CWC25: variants seen among roughly 807,000 people sequenced by gnomAD.
The protein encoded by CWC25 is CWC25 spliceosome associated protein.
Under a neutral mutation model 54.6 loss-of-function variants are expected in CWC25, and 31 were observed. That is an observed-to-expected ratio of 0.57 (90% CI 0.43 to 0.77). The LOEUF is 0.77. Among genes scored for constraint, CWC25 ranks in the 30% least tolerant of loss-of-function variants. The pLI, the probability that CWC25 is intolerant of heterozygous loss-of-function variation, is 0.00. For synonymous variants in CWC25, 151 were observed against 187.0 expected (o/e 0.81, Z 1.57); for missense variants, 453 against 529.3 (o/e 0.86, Z 1.41).
chr17:38,802,095 T>C lies in CWC25; in HGVS notation c.1275A>G (p.Arg425=). The change falls in exon 10 of 10, where the codon AGA becomes AGG. Residue 425 remains arginine (R), a synonymous_variant. Coordinates refer to ENST00000614790, the MANE Select transcript of CWC25 (RefSeq NM_017748.5). ...CCAATAAGAGAGGGGACAGTTTTCA[T>C]CTTTTCATAAAGTTCTTCTCCAGAG... The part of the protein sequence containing the change: ...SVALEKNFMK[R] 1.2e-6 allele frequency: 2 copies of C among 1,602,608 alleles called. No individual in the cohort carries two copies. Among genetic ancestry groups the C allele is most frequent in the South Asian group, 1.1e-5 (1 of 90,668 alleles).
chr17:38,819,216 T>C (rs1267293796), intron 2 of CWC25, among the ~76,000 whole-genome samples: 1 of 151,552 alleles, frequency 6.6e-6, no homozygotes, highest in African/African-American at 2.4e-5. Flanking sequence ...TTTTTTTTTT[T>C]TGAGACGAAG....
In CWC25 at chr17:38,801,971, A is replaced by G; in HGVS notation, c.*121T>C. On this transcript the variant is annotated 3_prime_UTR_variant, in exon 10 of 10. Transcript: ENST00000614790. ...TTTCAGGACTCAATGAAGCAGGGTC[A>G]CTTTGAACACTGGTGGTTTGACATC... 1 of 605,670 alleles carries G rather than the reference A, an allele frequency of 1.7e-6. No homozygotes were observed. The highest frequency in any genetic ancestry group is 2.9e-6 in the Non-Finnish European group (1 of 342,418). 37.5% of individuals were successfully genotyped at this position (605,670 alleles called of 1,614,324 possible).
In CWC25 at chr17:38,824,542, C is replaced by T. The variant is rs1042543871; in HGVS notation, c.18+624G>A. On this transcript the variant is annotated intron_variant, in intron 1 of 9. Coordinates refer to ENST00000614790, the MANE Select transcript of CWC25 (RefSeq NM_017748.5). ...TCTCTACTAAAAATACAAAATTAGC[C>T]GGGTGTGGTGGCGCATGCCTGTAAT... Among the ~76,000 whole-genome samples, 6 of 152,126 alleles carry T rather than the reference C, an allele frequency of 3.9e-5. No homozygotes were observed. The East Asian group carries it at 9.7e-4, about 24-fold the overall frequency.
intron 8 of CWC25, among the ~76,000 whole-genome samples, chr17:38,804,799 C>CTCCATCTCAAAA (rs1911165250): frequency 1.5e-5 from 1 of 64,766 alleles, no homozygotes; most frequent in Non-Finnish European, 3.2e-5. Context: ...CAGAGCGAGA[C>CTCCATCTCAAAA]AAAAAAAAAA....
chr17:38,813,286 ACCT>A (rs1191258179), intron 3 of CWC25, among the ~76,000 whole-genome samples: 1 of 150,324 alleles, frequency 6.7e-6, no homozygotes, highest in East Asian at 2.0e-4. Context: ...ACATGGTGAA[ACCT>A]CGTCTCTACC....
Position 38,806,848 on chromosome 17 carries a change from C to G in CWC25, c.819G>C (p.Lys273Asn). Residue 273 changes from lysine to asparagine, a missense_variant, in exon 7 of 10, where the codon AAG becomes AAC. Coordinates refer to ENST00000614790, the MANE Select transcript of CWC25 (RefSeq NM_017748.5). ...GGGACCCTGCTTCCCTGGTGCTCTTCTTGCTGGCATGTCTTGGGGGTGAGT... is the reference window on the plus strand; with the variant it reads ...GGGACCCTGCTTCCCTGGTGCTCTTGTTGCTGGCATGTCTTGGGGGTGAGT... ...SSHSPPRHASKKSTREAGSRD... is the reference protein window; with the variant it reads ...SSHSPPRHASNKSTREAGSRD... The G allele has an allele frequency of 6.2e-7, 1 of 1,613,844 alleles. No individual in the cohort carries two copies. The highest frequency in any genetic ancestry group is 2.2e-5 in the East Asian group (1 of 44,872).
intron 9 of CWC25, among the ~76,000 whole-genome samples, 178 bp downstream of exon 9, chr17:38,802,519 TCTC>T (rs1334711155): frequency 6.6e-6 from 1 of 152,098 alleles, no homozygotes. Context: ...CAAATTCACT[TCTC>T]CTCCCCTCAA....
At chr17:38,819,814 C>A (rs1274669275) in intron 2 of CWC25, among the ~76,000 whole-genome samples, 2 of 151,924 alleles carry the variant, frequency 1.3e-5, no homozygotes, top group African/African-American at 2.4e-5. Context: ...TCCTGAGTAG[C>A]TGGGATTACC....
intron 1 of CWC25, among the ~76,000 whole-genome samples, chr17:38,823,943 CA>C (rs1199171154): frequency 1.5e-4 from 23 of 152,194 alleles, no homozygotes; most frequent in African/African-American, 4.8e-4. Flanking sequence ...CACACACCCC[CA>C]AAGAATTATC....
At chr17:38,813,917 A>G (rs1911591733) in intron 3 of CWC25, among the ~76,000 whole-genome samples, 1 of 151,990 alleles carries the variant, frequency 6.6e-6, no homozygotes. Flanking sequence ...GCTAGAGTGC[A>G]GTGGCGCGAT....
chr17:38,813,850 T>A (rs1471013402), intron 3 of CWC25, among the ~76,000 whole-genome samples: 1 of 151,940 alleles, frequency 6.6e-6, no homozygotes, highest in African/African-American at 2.4e-5. Context: ...GGCTGTCAGT[T>A]GTTTTTTTTG....
chr17:38,815,390 T>C (rs1186370507), intron 2 of CWC25, among the ~76,000 whole-genome samples: 1 of 152,096 alleles, frequency 6.6e-6, no homozygotes, highest in Non-Finnish European at 1.5e-5. Flanking sequence ...ACCCCATCTC[T>C]ACTAAAAATA....
intron 4 of CWC25, among the ~76,000 whole-genome samples, chr17:38,811,424 T>A (rs915190682): frequency 2.7e-5 from 4 of 150,924 alleles, no homozygotes; most frequent in Admixed American, 6.7e-5. Context: ...TCCCAGCTAC[T>A]CAGGAGGCTG....
intron 2 of CWC25, among the ~76,000 whole-genome samples, chr17:38,820,107 T>C (rs749711554): frequency 2.2e-4 from 33 of 152,164 alleles, no homozygotes; most frequent in Admixed American, 5.9e-4. Context: ...TCAGCCTATA[T>C]ATTTTTAAAC....
chr17:38,810,313 A>G, intron 5 of CWC25, 155 bp downstream of exon 5: 1 of 734,022 alleles, frequency 1.4e-6, no homozygotes, highest in Non-Finnish European at 2.1e-6. Flanking sequence ...TTAGATGGCA[A>G]GCTCTGTGGG....
chr17:38,807,165 AT>A (rs1361304852), intron 6 of CWC25, among the ~76,000 whole-genome samples, 189 bp from the exon 7 acceptor site: 2 of 151,774 alleles, frequency 1.3e-5, no homozygotes, highest in Non-Finnish European at 2.9e-5. Flanking sequence ...TCTACTGAAA[AT>A]TAAAAAATTA....
chr17:38,810,499 A>G lies in CWC25; in HGVS notation c.595T>C (p.Ser199Pro). The change falls in exon 5 of 10, where the codon TCC becomes CCC. Residue 199 changes from serine (S) to proline (P), a missense_variant. Ser to Pro is a moderately conservative substitution (Grantham distance 74). Transcript: ENST00000614790. Reference sequence around the variant, plus strand: ...GCACTGTGCTCATCCTCGCTGCTGGAACGATCACTACTCGAGCTTCTGTGC... The same window carrying G: ...GCACTGTGCTCATCCTCGCTGCTGGGACGATCACTACTCGAGCTTCTGTGC... ...HKHRSSSSDR[S>P]SSEDEHSAGR... 7 of 1,605,736 alleles carry G rather than the reference A, an allele frequency of 4.4e-6. No individual in the cohort carries two copies. The highest frequency in any genetic ancestry group is 5.1e-6 in the Non-Finnish European group (6 of 1,176,190).
intron 2 of CWC25, among the ~76,000 whole-genome samples, chr17:38,818,250 C>T (rs1433333666): frequency 2.0e-5 from 3 of 149,644 alleles, no homozygotes; most frequent in African/African-American, 2.5e-5. Context: ...CACTCCAGCC[C>T]GGGCGACAGA....
At chr17:38,819,674 A>ATT (rs1333556905) in intron 2 of CWC25, among the ~76,000 whole-genome samples, 4 of 129,040 alleles carry the variant, frequency 3.1e-5, no homozygotes, top group African/African-American at 1.2e-4. Flanking sequence ...CCCAGCCTCT[A>ATT]TTTTTTTTTT....
Sources: gnomAD v4.1 joint callset for allele counts (sites outside exome capture counted in the v4.1 genomes callset) on GRCh38, gnomAD v4.1.1 for gene constraint, MANE v1.5 for transcripts, NCBI Gene and HGNC (gene_info 2026-07-23, HGNC 2026-07-21) for gene names.